Variants in TGFBI observed in about 807,000 individuals in gnomAD.
The protein encoded by TGFBI is transforming growth factor beta induced.
In TGFBI, 50 loss-of-function variants were observed where a neutral mutation model predicts 73.7. That is an observed-to-expected ratio of 0.68 (90% CI 0.54 to 0.86). The LOEUF is 0.86. Among genes scored for constraint, TGFBI ranks in the 40% least tolerant of loss-of-function variants. The pLI is 0.00. For synonymous variants in TGFBI, 362 were observed against 360.5 expected (o/e 1.00, Z -0.05); for missense variants, 839 against 877.0 (o/e 0.96, Z 0.55).
Position 136,061,011 on chromosome 5 carries a change from T to C in TGFBI, c.1906+75T>C, listed in dbSNP as rs1417876507. The C allele has an allele frequency of 3.8e-6, 4 of 1,066,114 alleles. No individual in the cohort carries two copies. The East Asian group carries it at 7.5e-5, about 20-fold the overall frequency. 66.0% of individuals were successfully genotyped at this position (1,066,114 alleles called of 1,614,324 possible). On this transcript the variant is annotated intron_variant, in intron 14 of 16. Transcript: ENST00000442011. ...GGCAGTTGGTGGAGAGAAGAAAAAC[T>C]GTTCTAAACAATGATGAGAATAACA...
rs781594177 is a variant in TGFBI at position 136,060,921 on chromosome 5, G to T, written c.1891G>T (p.Val631Phe). 8 of 1,577,644 alleles carry T rather than the reference G, an allele frequency of 5.1e-6. No individual in the cohort carries two copies. The African/African-American group carries it at 1.1e-4, about 21-fold the overall frequency. The change falls in exon 14 of 17, where the codon GTT becomes TTT. Residue 631 changes from valine (V) to phenylalanine (F), a missense_variant. By Grantham distance (50) the Val-to-Phe change is conservative. Transcript: ENST00000442011. The part of the protein sequence containing the change: ...TNGVVHVITN[V>F]LQPPANRPQE... The stretch of plus-strand genomic sequence containing the variant: ...TGGCGTGGTCCATGTCATCACCAAT[G>T]TTCTGCAGCCTCCAGGTAAGTGTCG...
rs765026368 is a variant in TGFBI, at chr5:136,046,423, G to C, written c.387G>C (p.Arg129Ser). 4.6e-5 allele frequency: 75 copies of C among 1,613,748 alleles called. No homozygotes were observed. Among genetic ancestry groups the C allele is most frequent in the Non-Finnish European group, 6.2e-5 (73 of 1,179,812 alleles). Residue 129 changes from arginine (R) to serine (S), a missense_variant, in exon 4 of 17, where the codon AGG becomes AGC. By Grantham distance (110) the Arg-to-Ser change is moderately radical. Coordinates refer to ENST00000442011, the MANE Select transcript of TGFBI (RefSeq NM_000358.3). The part of the protein sequence containing the change: ...QLYTDRTEKL[R>S]PEMEGPGSFT... The stretch of plus-strand genomic sequence containing the variant: ...ACACGGACCGCACGGAGAAGCTGAG[G>C]CCTGAGATGGAGGGGCCCGGCAGCT...
chr5:136,063,313 AAC>A lies in TGFBI; in HGVS notation c.*88_*89del. ...ACAGAGACTGTTTGAATGTTTTCAA[AAC>A]CAAGTATCACACTTTAATGTACATG... On this transcript the variant is annotated 3_prime_UTR_variant, in exon 17 of 17. Transcript: ENST00000442011. 7.9e-7 allele frequency: 1 copy of A among 1,268,818 alleles called. No homozygotes were observed. Among genetic ancestry groups the A allele is most frequent in the Non-Finnish European group, 1.1e-6 (1 of 879,778 alleles). 78.6% of individuals were successfully genotyped at this position (1,268,818 alleles called of 1,614,324 possible).
chr5:136,043,051 T>A (rs970854627), intron 2 of TGFBI, among the ~76,000 whole-genome samples: 1 of 152,214 alleles, frequency 6.6e-6, no homozygotes. Flanking sequence ...GTCTGAGTCC[T>A]TTCCTGTCTC....
At chr5:136,041,869 C>A (rs1343081079) in intron 2 of TGFBI, among the ~76,000 whole-genome samples, 1 of 152,182 alleles carries the variant, frequency 6.6e-6, no homozygotes, top group Non-Finnish European at 1.5e-5. Context: ...AGCTGTTCAG[C>A]TCCCTTGCGG....
At position 136,055,711 on chromosome 5, in the gene TGFBI, C is replaced by G. The variant is rs750947320; in HGVS notation, c.1442C>G (p.Ala481Gly). 13 of 1,609,936 alleles carry G rather than the reference C, an allele frequency of 8.1e-6. 1 individual carries two copies. The South Asian group carries it at 1.3e-4, about 16-fold the overall frequency. ...SLCIENSCIA[A>G]HDKRGRYGTL... ...TGCATTGAGAACAGCTGCATCGCGG[C>G]CCACGACAAGAGGGGGAGGTACGGG... Residue 481 changes from alanine (A) to glycine (G), a missense_variant, in exon 11 of 17, where the codon GCC becomes GGC. Transcript: ENST00000442011.
chr5:136,062,556 C>T, intron 15 of TGFBI, 107 bp from the exon 16 acceptor site: 4 of 1,195,178 alleles, frequency 3.3e-6, no homozygotes, highest in South Asian at 1.3e-5. Flanking sequence ...CTCTTCCTCG[C>T]CCCAGCATTT....
intron 8 of TGFBI, among the ~76,000 whole-genome samples, chr5:136,053,613 TG>T (rs1428485717): frequency 1.3e-5 from 2 of 151,874 alleles, no homozygotes; most frequent in Non-Finnish European, 2.9e-5. Flanking sequence ...GTGTGGTTGC[TG>T]GCCTTATCTA....
In TGFBI at chr5:136,029,020, G is replaced by C. The variant is rs1580705223; in HGVS notation, c.-36G>C. On this transcript the variant is annotated 5_prime_UTR_variant, in exon 1 of 17. Coordinates refer to ENST00000442011, the MANE Select transcript of TGFBI (RefSeq NM_000358.3). ...CCCTGGAGCCGCCCGCTTGCCCGTCGGTCGCTAGCTCGCTCGGTGCGCGTC... is the reference window on the plus strand; with the variant it reads ...CCCTGGAGCCGCCCGCTTGCCCGTCCGTCGCTAGCTCGCTCGGTGCGCGTC... 4.6e-6 allele frequency: 7 copies of C among 1,512,038 alleles called. No homozygotes were observed. Among genetic ancestry groups the C allele is most frequent in the East Asian group, 2.6e-5 (1 of 37,840 alleles). The allele number at this position is 1,512,038 out of a possible 1,614,324, so 93.7% of individuals were successfully genotyped here.
chr5:136,061,065 T>C lies in TGFBI; in HGVS notation c.1906+129T>C, dbSNP rs571911095. 131 of 693,412 alleles carry C rather than the reference T, an allele frequency of 1.9e-4. 1 individual carries two copies. The Middle Eastern group carries it at 5.1e-3, about 27-fold the overall frequency. The allele number at this position is 693,412 out of a possible 1,614,324, so 43.0% of individuals were successfully genotyped here. ...AATTGTGATAGTTAAACTGTGCCTA[T>C]GTGACTGATTGCAGAGTGAATTGGG... On this transcript the variant is annotated intron_variant, in intron 14 of 16. Coordinates refer to ENST00000442011, the MANE Select transcript of TGFBI (RefSeq NM_000358.3).
chr5:136,058,990 T>C (rs1259847505), intron 12 of TGFBI, 100 bp from the exon 13 acceptor site: 1 of 1,463,032 alleles, frequency 6.8e-7, no homozygotes, highest in Non-Finnish European at 9.2e-7. Context: ...AGTTCTTCAT[T>C]TCAGGGGTGA....
At chr5:136,047,539 A>G (rs764567) in intron 6 of TGFBI, 119 bp downstream of exon 6, 350,198 of 1,257,222 alleles carry the variant, frequency 0.28, 50,101 homozygotes, top group South Asian at 0.36. Context: ...AACATAGAGC[A>G]GGTTCCCCTG....
At chr5:136,060,786 G>T (rs1427272826) in intron 13 of TGFBI, 48 bp from the exon 14 acceptor site, 2 of 1,347,958 alleles carry the variant, frequency 1.5e-6, no homozygotes, top group East Asian at 2.5e-5. Flanking sequence ...ATATATAAAT[G>T]TATAAATAAA....
At chr5:136,052,177 C>T (rs1751549289) in intron 7 of TGFBI, among the ~76,000 whole-genome samples, 1 of 152,208 alleles carries the variant, frequency 6.6e-6, no homozygotes, top group Admixed American at 6.5e-5. Flanking sequence ...GGTCAGGAGC[C>T]CCCTTTGGGC....
intron 1 of TGFBI, among the ~76,000 whole-genome samples, chr5:136,033,435 C>T (rs1196306862): frequency 6.6e-6 from 1 of 152,176 alleles, no homozygotes; most frequent in Non-Finnish European, 1.5e-5. Context: ...GCATGCAGAG[C>T]ATGTCTGTAT....
intron 4 of TGFBI, 168 bp from the exon 5 acceptor site, chr5:136,046,683 C>T: frequency 8.3e-7 from 1 of 1,203,530 alleles, no homozygotes; most frequent in Non-Finnish European, 1.1e-6. Flanking sequence ...CTAATGCCCC[C>T]CGTTCCCTAC....
chr5:136,061,335 C>T lies in TGFBI; in HGVS notation c.1907-165C>T, dbSNP rs1751743853. ...GTGCATTCACCTTTCTTGGTGCTCTCTCCCCATGGGCCAAGTTCTACCATG... is the reference window on the plus strand; with the variant it reads ...GTGCATTCACCTTTCTTGGTGCTCTTTCCCCATGGGCCAAGTTCTACCATG... On this transcript the variant is annotated intron_variant, in intron 14 of 16. Transcript: ENST00000442011. 3 of 640,496 alleles carry T rather than the reference C, an allele frequency of 4.7e-6. No individual in the cohort carries two copies. The African/African-American group carries it at 5.4e-5, about 12-fold the overall frequency. 39.7% of individuals were successfully genotyped at this position (640,496 alleles called of 1,614,324 possible).
At chr5:136,062,288 G>A (rs1751762657) in intron 15 of TGFBI, among the ~76,000 whole-genome samples, 1 of 152,126 alleles carries the variant, frequency 6.6e-6, no homozygotes, top group East Asian at 1.9e-4. Flanking sequence ...AGCTTACTGT[G>A]TCACTTTACT....
intron 11 of TGFBI, 111 bp downstream of exon 11, chr5:136,055,927 A>G (rs1751622942): frequency 8.2e-7 from 1 of 1,223,366 alleles, no homozygotes; most frequent in East Asian, 2.6e-5. Context: ...TTCAATTAAC[A>G]CTAGCAGTGC....
Sources: gnomAD v4.1 joint callset for allele counts (sites outside exome capture counted in the v4.1 genomes callset) on GRCh38, gnomAD v4.1.1 for gene constraint, MANE v1.5 for transcripts, NCBI Gene and HGNC (gene_info 2026-07-23, HGNC 2026-07-21) for gene names.